ADGRL2: variants seen among roughly 807,000 people sequenced by gnomAD.
The protein encoded by ADGRL2 is calcium-independent alpha-latrotoxin receptor 2.
A neutral mutation model predicts 157.4 loss-of-function variants in ADGRL2; 44 were observed. The observed-to-expected ratio is 0.28, with a 90% CI of 0.22 to 0.36. ADGRL2 has a LOEUF of 0.36. ADGRL2 is among the 10% of genes least tolerant of loss of function. The pLI is 1.00. For synonymous variants in ADGRL2, 585 were observed against 624.7 expected (o/e 0.94, Z 0.95); for missense variants, 1,510 against 1,768.9 (o/e 0.85, Z 2.63).
In ADGRL2 at chr1:81,824,597, G is replaced by A. The variant is rs547302668; in HGVS notation, c.-100-12288G>A. On this transcript the variant is annotated intron_variant, in intron 1 of 23. Coordinates refer to ENST00000686636, the MANE Select transcript of ADGRL2 (RefSeq NM_001366006.2). Reference sequence around the variant, plus strand: ...GGCTGCAAAAGACATTTTAAAACTAGTTTAAAAGCTTAATTGAAGAGGACT... The same window carrying A: ...GGCTGCAAAAGACATTTTAAAACTAATTTAAAAGCTTAATTGAAGAGGACT... Among the ~76,000 whole-genome samples the A allele has an allele frequency of 1.9e-4, 29 of 152,226 alleles. 1 individual carries two copies. The highest frequency in any genetic ancestry group is 4.8e-4 in the African/African-American group (20 of 41,522).
intron 1 of ADGRL2, among the ~76,000 whole-genome samples, chr1:81,353,695 T>C (rs937630949): frequency 2.0e-5 from 3 of 152,176 alleles, no homozygotes; most frequent in Admixed American, 1.3e-4. Flanking sequence ...TGAAGAGCAA[T>C]GTCTTCAAAA....
chr1:81,578,346 G>C (rs1200635761), intron 2 of ADGRL2, among the ~76,000 whole-genome samples: 3 of 152,204 alleles, frequency 2.0e-5, no homozygotes, highest in Admixed American at 1.3e-4. Flanking sequence ...AACTATTTTT[G>C]CCTGGACAGA....
intron 1 of ADGRL2, among the ~76,000 whole-genome samples, chr1:81,832,149 T>C (rs2091984324): frequency 6.6e-6 from 1 of 152,170 alleles, no homozygotes; most frequent in Admixed American, 6.5e-5. Flanking sequence ...GAACTTTCTT[T>C]TCTTCTTTTT....
At chr1:81,433,173 C>T (rs145859120) in intron 1 of ADGRL2, among the ~76,000 whole-genome samples, 68 of 152,240 alleles carry the variant, frequency 4.5e-4, no homozygotes, top group African/African-American at 1.6e-3. Flanking sequence ...CAATTATTTG[C>T]TCTTAATTTA....
At chr1:81,392,751 G>T (rs2076581990) in intron 1 of ADGRL2, among the ~76,000 whole-genome samples, 1 of 151,864 alleles carries the variant, frequency 6.6e-6, no homozygotes. Context: ...TATTAGTTCA[G>T]CCTCTCTTTC....
chr1:81,594,259 A>G (rs2081188580), intron 3 of ADGRL2, among the ~76,000 whole-genome samples: 1 of 152,198 alleles, frequency 6.6e-6, no homozygotes, highest in Admixed American at 6.5e-5. Flanking sequence ...GAGATTTGGA[A>G]GAAAGATCAC....
intron 22 of ADGRL2, 56 bp from the exon 23 acceptor site, chr1:81,987,813 G>A (rs914239681): frequency 4.4e-5 from 12 of 275,414 alleles, no homozygotes; most frequent in Non-Finnish European, 5.3e-5. Flanking sequence ...TAATGTAACT[G>A]CAGCTTCTCT....
intron 2 of ADGRL2, among the ~76,000 whole-genome samples, chr1:81,854,524 G>A (rs1490429232): frequency 6.6e-6 from 1 of 152,124 alleles, no homozygotes; most frequent in African/African-American, 2.4e-5. Context: ...TTGGGAAAAT[G>A]CCTCTATTTT....
intron 2 of ADGRL2, among the ~76,000 whole-genome samples, chr1:81,864,798 C>G (rs2093488869): frequency 6.6e-6 from 1 of 152,060 alleles, no homozygotes; most frequent in South Asian, 2.1e-4. Context: ...CCCATTTCTA[C>G]TAAAAAACAA....
At chr1:81,534,382 A>G (rs1029450344) in intron 2 of ADGRL2, among the ~76,000 whole-genome samples, 5 of 152,240 alleles carry the variant, frequency 3.3e-5, no homozygotes, top group African/African-American at 1.2e-4. Flanking sequence ...GACTGGCCTC[A>G]AACTTCTGAC....
intron 1 of ADGRL2, among the ~76,000 whole-genome samples, chr1:81,817,692 A>C (rs2149787140): frequency 6.6e-6 from 1 of 152,160 alleles, no homozygotes; most frequent in South Asian, 2.1e-4. Flanking sequence ...CATAAAGTTA[A>C]ATTTGAATGA....
intron 3 of ADGRL2, among the ~76,000 whole-genome samples, chr1:81,673,691 ATT>A (rs1193654417): frequency 6.6e-6 from 1 of 151,254 alleles, no homozygotes; most frequent in Non-Finnish European, 1.5e-5. Context: ...ATTTTTTTGT[ATT>A]TTTTTAGTAG....
At chr1:81,572,790 C>T (rs971966271) in intron 2 of ADGRL2, among the ~76,000 whole-genome samples, 1 of 151,866 alleles carries the variant, frequency 6.6e-6, no homozygotes, top group African/African-American at 2.4e-5. Context: ...CACTGTAGAA[C>T]TTTTCAGCAC....
chr1:81,842,716 G>GA (rs1308129033), intron 2 of ADGRL2, among the ~76,000 whole-genome samples: 1 of 151,804 alleles, frequency 6.6e-6, no homozygotes, highest in Non-Finnish European at 1.5e-5. Flanking sequence ...CACCAAATTG[G>GA]AAAAAAACGT....
chr1:81,697,444 A>G (rs1557574512), upstream of ADGRL2, among the ~76,000 whole-genome samples: 2 of 152,194 alleles, frequency 1.3e-5, no homozygotes, highest in Non-Finnish European at 2.9e-5. Context: ...ATGCACTAGC[A>G]CTTTTTTTGC....
intron 1 of ADGRL2, among the ~76,000 whole-genome samples, chr1:81,803,438 C>G (rs2088617959): frequency 6.6e-6 from 1 of 151,972 alleles, no homozygotes; most frequent in African/African-American, 2.4e-5. Flanking sequence ...TTTTTTTCCC[C>G]CCCTCCAATC....
chr1:81,514,986 G>A (rs1414664033), intron 2 of ADGRL2: 1 of 152,152 alleles, frequency 6.6e-6, no homozygotes, highest in African/African-American at 2.4e-5. Flanking sequence ...ATTCCTCCGT[G>A]ATTTAAATAT....
At chr1:81,618,846 A>G (rs980502009) in intron 3 of ADGRL2, among the ~76,000 whole-genome samples, 3 of 149,108 alleles carry the variant, frequency 2.0e-5, no homozygotes, top group Admixed American at 6.7e-5. Context: ...AGTAATCTGG[A>G]GAAGGTTTTT....
chr1:81,786,557 CAG>C (rs1177825500), intron 2 of ADGRL2, among the ~76,000 whole-genome samples: 1 of 152,192 alleles, frequency 6.6e-6, no homozygotes, highest in Non-Finnish European at 1.5e-5. Context: ...GCCTGGGTGA[CAG>C]AGTGAGACTA....
Sources: allele counts gnomAD v4.1 joint callset (sites outside exome capture counted in the v4.1 genomes callset), GRCh38; gene constraint gnomAD v4.1.1; transcripts MANE v1.5; gene names NCBI Gene and HGNC (gene_info 2026-07-23, HGNC 2026-07-21).